STK10: variants seen among roughly 807,000 people sequenced by gnomAD.
STK10 encodes the protein serine/threonine kinase 10.
A neutral mutation model predicts 113.8 loss-of-function variants in STK10; 78 were observed. The observed-to-expected ratio is 0.69, with a 90% CI of 0.57 to 0.83. The LOEUF is 0.83. Among genes scored for constraint, STK10 ranks in the 40% least tolerant of loss-of-function variants. STK10 has a pLI of 0.00. For missense variants in STK10, 1,109 were observed against 1,280.1 expected, an observed-to-expected ratio of 0.87 and a Z score of 2.04; for synonymous variants, 465 against 494.7, an observed-to-expected ratio of 0.94 and a Z score of 0.80.
intron 4 of STK10, among the ~76,000 whole-genome samples, chr5:172,111,368 A>G (rs893053191): frequency 2.1e-4 from 32 of 152,234 alleles, no homozygotes; most frequent in African/African-American, 7.7e-4. Flanking sequence ...GAGAAGAGAG[A>G]CGAGAAACAG....
At chr5:172,105,501 G>T in intron 7 of STK10, 155 bp downstream of exon 7, 1 of 737,446 alleles carries the variant, frequency 1.4e-6, no homozygotes. Context: ...CACAGAGCTG[G>T]CATTCAGGAG....
Position 172,042,155 on chromosome 5 carries a change from T to C in STK10, c.*2727A>G, listed in dbSNP as rs1767387179. The C allele has an allele frequency of 6.6e-6, 1 of 152,648 alleles. No homozygotes were observed. The highest frequency in any genetic ancestry group is 1.5e-5 in the Non-Finnish European group (1 of 68,056). The allele number at this position is 152,648 out of a possible 1,614,324, so 9.5% of individuals were successfully genotyped here. A position where few individuals can be genotyped will look rare whatever the true frequency, so the allele number is the denominator to read the frequency against. ...CAGAGAACATTTTACAAAAATTTTG[T>C]ATAAAGTCTGGAAACTACATAAAAA... On this transcript the variant is annotated 3_prime_UTR_variant, in exon 19 of 19. Coordinates refer to ENST00000176763, the MANE Select transcript of STK10 (RefSeq NM_005990.4).
intron 7 of STK10, among the ~76,000 whole-genome samples, chr5:172,105,117 C>G (rs1233993633): frequency 6.6e-6 from 1 of 152,054 alleles, no homozygotes; most frequent in Non-Finnish European, 1.5e-5. Flanking sequence ...CCCAGTGCCT[C>G]TCCGCTCTCG....
chr5:172,185,771 C>T (rs183623955), intron 1 of STK10, among the ~76,000 whole-genome samples: 160 of 152,316 alleles, frequency 1.1e-3, no homozygotes, highest in Non-Finnish European at 2.0e-3. Flanking sequence ...TCTCTGGTGC[C>T]ACCAGGAAGA....
chr5:172,090,754 G>C (rs892388945), intron 9 of STK10, among the ~76,000 whole-genome samples: 11 of 151,856 alleles, frequency 7.2e-5, no homozygotes, highest in Non-Finnish European at 1.5e-4. Context: ...GGCCAACACA[G>C]TGAAACCCTG....
intron 1 of STK10, among the ~76,000 whole-genome samples, chr5:172,163,295 G>A (rs930748331): frequency 1.3e-5 from 2 of 152,166 alleles, no homozygotes; most frequent in Non-Finnish European, 2.9e-5. Flanking sequence ...AGGTCACACA[G>A]CGAGTGGGGG....
chr5:172,128,729 C>A (rs949749260), intron 2 of STK10, among the ~76,000 whole-genome samples: 1 of 152,262 alleles, frequency 6.6e-6, no homozygotes, highest in African/African-American at 2.4e-5. Context: ...CAGCTCCTGG[C>A]CCCTGCTTGT....
chr5:172,157,541 G>C (rs925219189), intron 1 of STK10, among the ~76,000 whole-genome samples: 2 of 152,104 alleles, frequency 1.3e-5, no homozygotes, highest in African/African-American at 2.4e-5. Context: ...GGGTGACAGA[G>C]TGAGACTCCA....
intron 7 of STK10, among the ~76,000 whole-genome samples, chr5:172,098,918 T>TCATTAC (rs201270479): frequency 1.3e-5 from 2 of 149,368 alleles, no homozygotes; most frequent in African/African-American, 2.5e-5. Flanking sequence ...ATCACCACCA[T>TCATTAC]CATTACCATT....
chr5:172,084,756 G>A (rs1768514218), intron 10 of STK10, among the ~76,000 whole-genome samples: 1 of 151,902 alleles, frequency 6.6e-6, no homozygotes, highest in Non-Finnish European at 1.5e-5. Context: ...TGTTTTGGGT[G>A]TCAGATTTTT....
intron 7 of STK10, among the ~76,000 whole-genome samples, chr5:172,104,427 C>A (rs530514498): frequency 6.6e-6 from 1 of 152,320 alleles, no homozygotes; most frequent in Admixed American, 6.5e-5. Context: ...GCTCACAGCT[C>A]CCTCCAATAG....
At chr5:172,094,835 T>C (rs1317444505) in intron 8 of STK10, among the ~76,000 whole-genome samples, 1 of 152,264 alleles carries the variant, frequency 6.6e-6, no homozygotes, top group Non-Finnish European at 1.5e-5. Context: ...TTGTGGCCAC[T>C]AAGTTTTCAG....
At chr5:172,119,978 GGCACCAAAGCAGA>G (rs1769475623) in intron 3 of STK10, among the ~76,000 whole-genome samples, 1 of 152,176 alleles carries the variant, frequency 6.6e-6, no homozygotes, top group African/African-American at 2.4e-5. Context: ...GGTCCAGATA[GGCACCAAAGCAGA>G]GAGGAGGAAA....
intron 7 of STK10, 150 bp from the exon 8 acceptor site, chr5:172,096,710 G>A: frequency 9.1e-7 from 1 of 1,093,876 alleles, no homozygotes; most frequent in East Asian, 2.4e-5. Context: ...AGACAGCCTG[G>A]AAAGTCCCAA....
At chr5:172,091,796 T>C (rs1321338665) in intron 9 of STK10, among the ~76,000 whole-genome samples, 5 of 152,168 alleles carry the variant, frequency 3.3e-5, no homozygotes, top group Non-Finnish European at 4.4e-5. Context: ...CCTCCCAAAG[T>C]GCTGGGATTA....
At chr5:172,102,131 A>T (rs1561807999) in intron 7 of STK10, among the ~76,000 whole-genome samples, 1 of 151,850 alleles carries the variant, frequency 6.6e-6, no homozygotes, top group Non-Finnish European at 1.5e-5. Flanking sequence ...CCCAACAGAG[A>T]GGGCAGGGGA....
intron 15 of STK10, chr5:172,056,919 A>G (rs1561789868): frequency 2.0e-5 from 3 of 150,814 alleles, no homozygotes; most frequent in Non-Finnish European, 4.3e-5. Context: ...AGAAAGAAAG[A>G]AGGAAGGAAG....
Position 172,090,270 on chromosome 5 carries a change from G to T in STK10, c.1647C>A (p.Ser549Arg), listed in dbSNP as rs756747574. The T allele has an allele frequency of 6.2e-7, 1 of 1,613,936 alleles. No individual in the cohort carries two copies. Among genetic ancestry groups the T allele is most frequent in the African/African-American group, 1.3e-5 (1 of 74,978 alleles). ...TCTCCTCATCCTTCTTCTCATCTTC[G>T]CTGATGATCTTGGAGGTGGTGATGC... ...EVSITTSKII[S>R]EDEKKDEEMR... Residue 549 changes from serine (S) to arginine (R), a missense_variant, in exon 10 of 19, where the codon AGC (serine) becomes AGA (arginine). Physicochemically the swap from Ser to Arg is moderately radical, Grantham distance 110. Around this residue, in one of 5 missense-constraint regions of STK10, gnomAD observed 885 missense variants for 991.1 expected, o/e 0.89. Coordinates refer to ENST00000176763, the MANE Select transcript of STK10 (RefSeq NM_005990.4).
At chr5:172,053,282 A>T (rs1309772846) in intron 17 of STK10, 5 of 442,484 alleles carry the variant, frequency 1.1e-5, no homozygotes, top group African/African-American at 1.0e-4. Flanking sequence ...AGGTATAGTA[A>T]ATTTGCAACT....
Sources: allele counts gnomAD v4.1 joint callset (sites outside exome capture counted in the v4.1 genomes callset), GRCh38; gene constraint gnomAD v4.1.1; regional missense constraint gnomAD v4.1.1; transcripts MANE v1.5; gene names NCBI Gene and HGNC (gene_info 2026-07-23, HGNC 2026-07-21).